DNAJC11: variants seen among roughly 807,000 people sequenced by gnomAD.
DNAJC11 encodes DnaJ heat shock protein family (Hsp40) member C11, also known as dnaJ homolog subfamily C member 11.
In DNAJC11, 15 loss-of-function variants were observed where a neutral mutation model predicts 78.6. That is an observed-to-expected ratio of 0.19 (90% confidence interval 0.13 to 0.29). DNAJC11 has a LOEUF of 0.29. Ranked by LOEUF, DNAJC11 falls within the 10% of genes least tolerant of loss-of-function variation. The pLI is 1.00. For missense variants in DNAJC11, 547 were observed against 709.6 expected, an observed-to-expected ratio of 0.77 and a Z score of 2.60; for synonymous variants, 292 against 272.1, an observed-to-expected ratio of 1.07 and a Z score of -0.72.
chr1:6,662,349 A>T (rs1240486978), intron 4 of DNAJC11, among the ~76,000 whole-genome samples: 4 of 151,600 alleles, frequency 2.6e-5, no homozygotes, highest in African/African-American at 9.7e-5. Flanking sequence ...GCCTGCCACC[A>T]CGCCTGGCTA....
intron 4 of DNAJC11, among the ~76,000 whole-genome samples, chr1:6,663,693 G>C (rs1012758092): frequency 6.6e-6 from 1 of 152,178 alleles, no homozygotes; most frequent in Non-Finnish European, 1.5e-5. Context: ...CCTGACGCCA[G>C]TTCAATGTGG....
chr1:6,678,524 C>T (rs1187738201), intron 2 of DNAJC11, 57 bp from the exon 3 acceptor site: 2 of 1,384,106 alleles, frequency 1.4e-6, no homozygotes, highest in Non-Finnish European at 2.0e-6. Flanking sequence ...TCAGTCCTTC[C>T]TGAGAATACT....
rs767236783 is a variant in DNAJC11, at chr1:6,634,509, C to G, written c.*1166G>C. ...GCTGGAGGCCGGCGCAGCTTGGGGC[C>G]CCCCGCGCCAGCTGTCTCAGCCACC... On this transcript the variant is annotated 3_prime_UTR_variant, in exon 16 of 16. Transcript: ENST00000377577. 7.4e-7 allele frequency: 1 copy of G among 1,351,500 alleles called. No homozygotes were observed. The highest frequency in any genetic ancestry group is 9.9e-7 in the Non-Finnish European group (1 of 1,015,070). The allele number at this position is 1,351,500 out of a possible 1,614,324, so 83.7% of individuals were successfully genotyped here.
At chr1:6,644,018 C>G (rs980709516) in intron 10 of DNAJC11, among the ~76,000 whole-genome samples, 2 of 151,846 alleles carry the variant, frequency 1.3e-5, no homozygotes, top group Non-Finnish European at 2.9e-5. Context: ...CTACAGGCAC[C>G]CGCCACCACC....
At position 6,701,783 on chromosome 1, in the gene DNAJC11, G is replaced by A. The variant is rs1238972687; in HGVS notation, c.18C>T (p.Ser6=). 2 of 1,564,070 alleles carry A rather than the reference G, an allele frequency of 1.3e-6. No homozygotes were observed. The highest frequency in any genetic ancestry group is 2.5e-5 in the East Asian group (1 of 39,234). MATAL[S]EEELDNEDYY... ...AGTCTTCATTGTCCAGCTCCTCCTC[G>A]CTCAAGGCCGTCGCCATCTTCGCAA... The change falls in exon 1 of 16, where the codon AGC becomes AGT. Residue 6 remains serine, a synonymous_variant. Coordinates refer to ENST00000377577, the MANE Select transcript of DNAJC11 (RefSeq NM_018198.4).
intron 7 of DNAJC11, 98 bp downstream of exon 7, chr1:6,651,431 C>T: frequency 9.3e-7 from 1 of 1,078,370 alleles, no homozygotes; most frequent in South Asian, 1.3e-5. Context: ...GTAGGACAGA[C>T]AAGATAGTGC....
intron 1 of DNAJC11, among the ~76,000 whole-genome samples, chr1:6,699,519 G>A (rs750143351): frequency 1.1e-4 from 17 of 152,154 alleles, no homozygotes; most frequent in African/African-American, 4.1e-4. Context: ...GACTAAGTAC[G>A]AATGATTTCA....
intron 11 of DNAJC11, among the ~76,000 whole-genome samples, chr1:6,638,792 G>A (rs1259230142): frequency 2.6e-5 from 4 of 152,232 alleles, no homozygotes; most frequent in Admixed American, 2.6e-4. Flanking sequence ...CTCCCGAAGT[G>A]CTAGGGTTAC....
In DNAJC11 at chr1:6,634,230, G is replaced by A. The variant is rs1288057306; in HGVS notation, c.*1445C>T. 6 of 915,986 alleles carry A rather than the reference G, an allele frequency of 6.6e-6. No homozygotes were observed. Among genetic ancestry groups the A allele is most frequent in the Non-Finnish European group, 9.8e-6 (6 of 609,342 alleles). The allele number at this position is 915,986 out of a possible 1,614,324, so 56.7% of individuals were successfully genotyped here. On this transcript the variant is annotated 3_prime_UTR_variant, in exon 16 of 16. Transcript: ENST00000377577. ...CTGTACAGTCGACTGCAAATGAAAC[G>A]CAGAGGATGGGTGCCCAGAAGCACC...
rs1048331950 is a variant in DNAJC11, at chr1:6,645,374, C to T, written c.895-248G>A. Among the ~76,000 whole-genome samples, 2 of 152,224 alleles carry T rather than the reference C, an allele frequency of 1.3e-5. No individual in the cohort carries two copies. The highest frequency in any genetic ancestry group is 4.8e-5 in the African/African-American group (2 of 41,464). On this transcript the variant is annotated intron_variant, in intron 8 of 15. Coordinates refer to ENST00000377577, the MANE Select transcript of DNAJC11 (RefSeq NM_018198.4). This position sits in a 1 kb window ranked among gnomAD's most constrained non-coding sequence, Gnocchi z 4.1. ...AATAAAAAACTCTGGTGACACTGAG[C>T]CTATGCTCCTAGGTGGCAGCGGCTG...
chr1:6,694,572 C>T (rs1390782654), intron 1 of DNAJC11, among the ~76,000 whole-genome samples: 1 of 152,104 alleles, frequency 6.6e-6, no homozygotes, highest in Non-Finnish European at 1.5e-5. Flanking sequence ...GTTAACTGGA[C>T]TCTGCATGCG....
chr1:6,646,097 G>T, intron 7 of DNAJC11, 119 bp from the exon 8 acceptor site: 1 of 993,136 alleles, frequency 1.0e-6, no homozygotes, highest in Non-Finnish European at 1.5e-6. Context: ...CCCTGGGCCA[G>T]CTCCCAGTAA....
At chr1:6,640,216 T>G (rs1641854031) in intron 10 of DNAJC11, among the ~76,000 whole-genome samples, 159 bp from the exon 11 acceptor site, 1 of 152,170 alleles carries the variant, frequency 6.6e-6, no homozygotes, top group African/African-American at 2.4e-5. Context: ...CACCACCTTC[T>G]GGCCTCCCGT....
chr1:6,645,272 A>C lies in DNAJC11; in HGVS notation c.895-146T>G. 1 of 607,946 alleles carries C rather than the reference A, an allele frequency of 1.6e-6. No homozygotes were observed. The allele number at this position is 607,946 out of a possible 1,614,324, so 37.7% of individuals were successfully genotyped here. Reference sequence around the variant, plus strand: ...ACGGTCTGGCAGCCGCAGTGAGTGCACCATGATTTATTAGCAGCCAGTAAT... The same window carrying C: ...ACGGTCTGGCAGCCGCAGTGAGTGCCCCATGATTTATTAGCAGCCAGTAAT... On this transcript the variant is annotated intron_variant, in intron 8 of 15. Transcript: ENST00000377577. This position sits in a 1 kb window ranked among gnomAD's most constrained non-coding sequence, Gnocchi z 4.1.
chr1:6,678,276 G>T, intron 3 of DNAJC11, 118 bp downstream of exon 3: 1 of 1,076,414 alleles, frequency 9.3e-7, no homozygotes, highest in Non-Finnish European at 1.4e-6. Context: ...GCAAGGAAGG[G>T]GGCTCTAATG....
intron 3 of DNAJC11, among the ~76,000 whole-genome samples, chr1:6,675,308 A>G (rs1428934510): frequency 6.6e-6 from 1 of 151,836 alleles, no homozygotes; most frequent in Non-Finnish European, 1.5e-5. Context: ...AAAAAAGCCA[A>G]TTCTGATCTA....
chr1:6,701,547 G>C (rs1231862949), intron 1 of DNAJC11, among the ~76,000 whole-genome samples, 182 bp downstream of exon 1: 1 of 152,148 alleles, frequency 6.6e-6, no homozygotes. Flanking sequence ...ACCCCCGGCG[G>C]GAGGGTCTGG....
intron 1 of DNAJC11, among the ~76,000 whole-genome samples, chr1:6,696,369 T>A (rs1436181485): frequency 6.6e-6 from 1 of 152,238 alleles, no homozygotes; most frequent in Non-Finnish European, 1.5e-5. Flanking sequence ...TTGAGCCTTT[T>A]ACATGTCAAT....
At chr1:6,642,965 G>C (rs867855851) in intron 10 of DNAJC11, among the ~76,000 whole-genome samples, 2 of 152,212 alleles carry the variant, frequency 1.3e-5, no homozygotes, top group South Asian at 2.1e-4. Flanking sequence ...GAGAAGGGCT[G>C]TGCCCTGCAG....
Sources: gnomAD v4.1 joint callset for allele counts (sites outside exome capture counted in the v4.1 genomes callset) on GRCh38, gnomAD v4.1.1 for gene constraint, Gnocchi (gnomAD v3.1) non-coding constraint, MANE v1.5 for transcripts, NCBI Gene and HGNC (gene_info 2026-07-23, HGNC 2026-07-21) for gene names.